Variants in DORIP1 observed in about 807,000 individuals in gnomAD.
DORIP1 encodes the protein dopamine receptor interacting protein 1.
the DORIP1 span, chr14:44,903,677 A>G: frequency 4.1e-6 from 4 of 984,200 alleles, no homozygotes; most frequent in Non-Finnish European, 4.8e-6. Flanking sequence ...ATTCATCCCA[A>G]TCTCTTAAAA....
the DORIP1 span, among the ~76,000 whole-genome samples, chr14:44,902,011 G>A: frequency 6.6e-6 from 1 of 152,176 alleles, no homozygotes; most frequent in Non-Finnish European, 1.5e-5. Context: ...TGGCAGAAAG[G>A]TATTTGGCCC....
At chr14:44,898,387 T>C in the DORIP1 span, among the ~76,000 whole-genome samples, 2 of 152,114 alleles carry the variant, frequency 1.3e-5, no homozygotes, top group African/African-American at 4.8e-5. Flanking sequence ...TCTCTTAGAG[T>C]GTAAGGGTAG....
chr14:44,901,929 A>G, the DORIP1 span, among the ~76,000 whole-genome samples: 1 of 152,162 alleles, frequency 6.6e-6, no homozygotes. Context: ...GGGAAACGTT[A>G]AAGCCTCCAA....
the DORIP1 span, chr14:44,897,448 C>T: frequency 5.0e-6 from 1 of 199,208 alleles, no homozygotes; most frequent in African/African-American, 2.4e-5. Context: ...GCCGAGACAG[C>T]CGGCGGTACT....
At chr14:44,903,938 A>G in the DORIP1 span, 3 of 974,830 alleles carry the variant, frequency 3.1e-6, no homozygotes, top group Admixed American at 6.2e-5. Flanking sequence ...ATTTTACTGT[A>G]TAATTCAATA....
At chr14:44,899,823 A>ATTTTTTTTTTTTTTTTTTTTTT in the DORIP1 span, among the ~76,000 whole-genome samples, 2 of 134,446 alleles carry the variant, frequency 1.5e-5, 1 homozygote, top group African/African-American at 6.9e-5. Flanking sequence ...TTCATTTAGG[A>ATTTTTTTTTTTTTTTTTTTTTT]ATTTTTTTTT....
At chr14:44,900,882 C>G in the DORIP1 span, 1 of 1,613,754 alleles carries the variant, frequency 6.2e-7, no homozygotes, top group Non-Finnish European at 8.5e-7. Context: ...TCATGTCTAC[C>G]ATTCAAGAGA....
chr14:44,898,654 TGA>T, the DORIP1 span, among the ~76,000 whole-genome samples: 3 of 152,200 alleles, frequency 2.0e-5, no homozygotes, highest in Non-Finnish European at 4.4e-5. Flanking sequence ...ACGAAGAAAC[TGA>T]GTTTGTGTTT....
chr14:44,904,667 A>AT, the DORIP1 span: 160 of 941,946 alleles, frequency 1.7e-4, no homozygotes, highest in Middle Eastern at 3.4e-4. Flanking sequence ...TCTGAATAGA[A>AT]TCAGAATTTA....
At chr14:44,903,283 T>C in the DORIP1 span, 1 of 1,612,570 alleles carries the variant, frequency 6.2e-7, no homozygotes, top group Non-Finnish European at 8.5e-7. Context: ...GATTGAACTG[T>C]GTGAAGAGCA....
At chr14:44,904,569 A>T in the DORIP1 span, 6 of 1,529,944 alleles carry the variant, frequency 3.9e-6, no homozygotes, top group African/African-American at 5.6e-5. Flanking sequence ...AAACTAATAA[A>T]AAAAATTTAT....
At chr14:44,903,624 A>AC in the DORIP1 span, 27 of 1,002,470 alleles carry the variant, frequency 2.7e-5, no homozygotes, top group Non-Finnish European at 3.2e-5. Context: ...GTAAATGACA[A>AC]CTAAAAAACT....
chr14:44,905,069 A>C, the DORIP1 span: 3 of 225,872 alleles, frequency 1.3e-5, no homozygotes, highest in African/African-American at 2.3e-5. Flanking sequence ...AAATATCTGC[A>C]TACAAATCAG....
the DORIP1 span, chr14:44,906,439 G>C: frequency 6.6e-6 from 1 of 152,118 alleles, no homozygotes; most frequent in African/African-American, 2.4e-5. Flanking sequence ...TCTTTTCCTA[G>C]TGAAGTTTTA....
At chr14:44,898,102 C>T in the DORIP1 span, among the ~76,000 whole-genome samples, 2 of 152,100 alleles carry the variant, frequency 1.3e-5, no homozygotes, top group East Asian at 3.9e-4. Context: ...TTGGAGGGCC[C>T]GTAGAGCCTG....
the DORIP1 span, chr14:44,906,253 A>G: frequency 5.3e-5 from 8 of 152,016 alleles, no homozygotes; most frequent in African/African-American, 1.4e-4. Context: ...AATAAATTAT[A>G]TAACTATCTT....
chr14:44,905,287 T>G, the DORIP1 span: 1 of 945,652 alleles, frequency 1.1e-6, no homozygotes, highest in Non-Finnish European at 1.5e-6. Flanking sequence ...AATGTTTTTA[T>G]TCCTTAGTTA....
At chr14:44,900,445 C>A in the DORIP1 span, 1 of 1,521,476 alleles carries the variant, frequency 6.6e-7, no homozygotes, top group East Asian at 2.3e-5. Context: ...GATGAAGACA[C>A]TGTTTGAAGA....
the DORIP1 span, chr14:44,904,296 A>G: frequency 2.7e-6 from 4 of 1,496,964 alleles, no homozygotes; most frequent in African/African-American, 5.6e-5. Context: ...CCTATAATAG[A>G]TAATTATAAG....
Sources: gnomAD v4.1 joint callset for allele counts (sites outside exome capture counted in the v4.1 genomes callset) on GRCh38, gnomAD v4.1.1 for gene constraint, MANE v1.5 for transcripts, NCBI Gene and HGNC (gene_info 2026-07-23, HGNC 2026-07-21) for gene names.